PM20D2: variants seen among roughly 807,000 people sequenced by gnomAD.
PM20D2 encodes the protein peptidase M20 domain containing 2.
Under a neutral mutation model 42.9 loss-of-function variants are expected in PM20D2, and 33 were observed. That is an observed-to-expected ratio of 0.77 (90% CI 0.58 to 1.03). PM20D2 has a LOEUF of 1.03. Ranked by LOEUF, PM20D2 falls within the 50% of genes least tolerant of loss-of-function variation. The probability of loss-of-function intolerance (pLI) is 0.00; values close to 1 mark genes in which losing one functional copy is unlikely to be tolerated. For synonymous variants in PM20D2, 250 were observed against 228.2 expected (o/e 1.10, Z -0.86); for missense variants, 548 against 557.0 (o/e 0.98, Z 0.16).
chr6:89,115,048 G>A, the PM20D2 span, among the ~76,000 whole-genome samples: 4 of 151,906 alleles, frequency 2.6e-5, no homozygotes, highest in South Asian at 2.1e-4. Context: ...TGCCCACCTC[G>A]GCCTCCCAAA....
At chr6:89,118,738 TGG>T in the PM20D2 span, among the ~76,000 whole-genome samples, 1 of 152,132 alleles carries the variant, frequency 6.6e-6, no homozygotes, top group Non-Finnish European at 1.5e-5. Context: ...GCACTTAGCG[TGG>T]GATATAGCAA....
Position 89,164,504 on chromosome 6 carries a change from C to T in PM20D2, c.*2241C>T, listed in dbSNP as rs1313297529. ...GAGTGACAACCAATAGTTTTTTGAT[C>T]ATTAAATCAAATTTTGTAAACAGTG... On this transcript the variant is annotated 3_prime_UTR_variant, in exon 7 of 7. Coordinates refer to ENST00000275072, the MANE Select transcript of PM20D2 (RefSeq NM_001010853.3). The T allele has an allele frequency of 1.3e-5, 2 of 152,472 alleles. No homozygotes were observed. Among genetic ancestry groups the T allele is most frequent in the Admixed American group, 6.6e-5 (1 of 15,260 alleles). 9.4% of individuals were successfully genotyped at this position (152,472 alleles called of 1,614,324 possible). A position where few individuals can be genotyped will look rare whatever the true frequency, so the allele number is the denominator to read the frequency against.
the PM20D2 span, chr6:89,105,760 C>A: frequency 5.3e-5 from 15 of 283,372 alleles, no homozygotes; most frequent in Non-Finnish European, 1.3e-5. Context: ...ACAAAACAAA[C>A]ATGTAACTGT....
Position 89,162,698 on chromosome 6 carries a change from T to G in PM20D2, c.*435T>G, listed in dbSNP as rs548009347. 1 of 154,772 alleles carries G rather than the reference T, an allele frequency of 6.5e-6. No individual in the cohort carries two copies. Among genetic ancestry groups the G allele is most frequent in the East Asian group, 1.9e-4 (1 of 5,232 alleles). 9.6% of individuals were successfully genotyped at this position (154,772 alleles called of 1,614,324 possible). On this transcript the variant is annotated 3_prime_UTR_variant, in exon 7 of 7. Transcript: ENST00000275072. ...ACACCCATGAGAGTGTTTTGTGGTA[T>G]AGGGTGGTAAACTTGTTCTCTAATC...
At chr6:89,145,654 C>T (rs956761317), upstream of PM20D2, among the ~76,000 whole-genome samples, 2 of 152,144 alleles carry the variant, frequency 1.3e-5, no homozygotes, top group Non-Finnish European at 2.9e-5. Context: ...GTCGTTAGTA[C>T]AGCATTGACA....
Position 89,154,922 on chromosome 6 carries a change from AATCTAAGTT to A in PM20D2, c.912+22_912+30del. 6.4e-7 allele frequency: 1 copy of A among 1,550,418 alleles called. No homozygotes were observed. The highest frequency in any genetic ancestry group is 1.2e-5 in the South Asian group (1 of 81,146). ...TGCACAGTAAGAACTTTTAAAAGTT[AATCTAAGTT>A]ACAATCAGAGGTATATATGTGGGCT... On this transcript the variant is annotated intron_variant, in intron 4 of 6. Coordinates refer to ENST00000275072, the MANE Select transcript of PM20D2 (RefSeq NM_001010853.3).
chr6:89,156,513 A>ATT (rs1195864600), intron 4 of PM20D2, among the ~76,000 whole-genome samples: 2 of 152,124 alleles, frequency 1.3e-5, no homozygotes, highest in African/African-American at 4.8e-5. Flanking sequence ...TTCTGTTCTT[A>ATT]TTAGTCTAGA....
chr6:89,100,210 T>C, the PM20D2 span, among the ~76,000 whole-genome samples: 2 of 152,140 alleles, frequency 1.3e-5, no homozygotes, highest in Non-Finnish European at 2.9e-5. Context: ...AAAACCGGAA[T>C]TCAGAAATTC....
chr6:89,124,212 C>G, the PM20D2 span, among the ~76,000 whole-genome samples: 1 of 151,970 alleles, frequency 6.6e-6, no homozygotes, highest in South Asian at 2.1e-4. Context: ...TGGAAAGGGC[C>G]TAGTCTGGGC....
chr6:89,154,695 G>C, intron 3 of PM20D2, 53 bp from the exon 4 acceptor site: 3 of 1,349,462 alleles, frequency 2.2e-6, no homozygotes, highest in Non-Finnish European at 3.0e-6. Flanking sequence ...GTGTATTTAA[G>C]CTTAAAGAAA....
chr6:89,111,190 C>T, the PM20D2 span, among the ~76,000 whole-genome samples: 98,737 of 151,156 alleles, frequency 0.65, 33,021 homozygotes, highest in East Asian at 0.78. Flanking sequence ...GTCACTGCAG[C>T]CTCCACTTCC....
chr6:89,146,554 C>T lies in PM20D2; in HGVS notation c.410C>T (p.Ala137Val), dbSNP rs1770567613. The T allele has an allele frequency of 4.7e-6, 7 of 1,495,522 alleles. No homozygotes were observed. Among genetic ancestry groups the T allele is most frequent in the Non-Finnish European group, 6.2e-6 (7 of 1,130,048 alleles). The allele number at this position is 1,495,522 out of a possible 1,614,324, so 92.6% of individuals were successfully genotyped here. ...ATCGCTGAGGTCGGGGCGGCGGCCG[C>T]GCTGGGCGTGAGGGGGGCCTTAGAG... ...NLIAEVGAAA[A>V]LGVRGALEGL... is the part of the protein sequence containing the mutation. Residue 137 changes from alanine (A) to valine (V), a missense_variant, in exon 1 of 7, where the codon GCG becomes GTG. Around this residue, in one of 3 missense-constraint regions of PM20D2, gnomAD observed 470 missense variants for 464.4 expected, o/e 1.01. Transcript: ENST00000275072.
the PM20D2 span, among the ~76,000 whole-genome samples, chr6:89,123,133 T>C: frequency 7.2e-5 from 11 of 152,194 alleles, no homozygotes; most frequent in Admixed American, 2.0e-4. Context: ...TAAAATGATG[T>C]TGGGTATTGA....
At chr6:89,151,153 CA>C (rs147104190) in intron 2 of PM20D2, among the ~76,000 whole-genome samples, 1 of 128,220 alleles carries the variant, frequency 7.8e-6, no homozygotes, top group Non-Finnish European at 1.6e-5. Flanking sequence ...AACTCCATCT[CA>C]AAAAAAAAGA....
At chr6:89,142,367 A>C (rs1449480206), upstream of PM20D2, among the ~76,000 whole-genome samples, 1 of 152,112 alleles carries the variant, frequency 6.6e-6, no homozygotes, top group Admixed American at 6.5e-5. Context: ...GATGCTTAGG[A>C]GAATGTTGTA....
At chr6:89,105,149 C>T in the PM20D2 span, 1 of 1,612,790 alleles carries the variant, frequency 6.2e-7, no homozygotes, top group Non-Finnish European at 8.5e-7. Flanking sequence ...CCTCCTATTT[C>T]TTCCCCATGA....
chr6:89,149,224 G>C, intron 1 of PM20D2, 41 bp from the exon 2 acceptor site: 4 of 1,600,690 alleles, frequency 2.5e-6, no homozygotes, highest in Non-Finnish European at 3.4e-6. Flanking sequence ...ATTCCTATGA[G>C]GATTTTGTTG....
chr6:89,107,261 G>C, the PM20D2 span: 1 of 1,610,124 alleles, frequency 6.2e-7, no homozygotes, highest in Non-Finnish European at 8.5e-7. Context: ...CCTCAGGCCT[G>C]AAGTGTTTTA....
chr6:89,129,259 A>T, the PM20D2 span, among the ~76,000 whole-genome samples: 1 of 147,800 alleles, frequency 6.8e-6, no homozygotes, highest in Non-Finnish European at 1.5e-5. Context: ...ATGTCCAATC[A>T]TGTGTATTTG....
Sources: gnomAD v4.1 joint callset for allele counts (sites outside exome capture counted in the v4.1 genomes callset) on GRCh38, gnomAD v4.1.1 for gene constraint, gnomAD v4.1.1 regional missense constraint, MANE v1.5 for transcripts, NCBI Gene and HGNC (gene_info 2026-07-23, HGNC 2026-07-21) for gene names.